The following CAND1 variants were observed in gnomAD, a reference collection of about 807,000 sequenced individuals.
The protein encoded by CAND1 is cullin associated and neddylation dissociated 1.
A neutral mutation model predicts 108.5 loss-of-function variants in CAND1; 7 were observed. That is an observed-to-expected ratio of 0.06 (90% CI 0.04 to 0.12). CAND1 has a LOEUF of 0.12. Ranked by LOEUF, CAND1 falls within the 10% of genes least tolerant of loss-of-function variation. The pLI is 1.00. For missense variants in CAND1, 941 were observed against 1,448.7 expected (o/e 0.65, Z 5.69); for synonymous variants, 534 against 512.0 (o/e 1.04, Z -0.58).
intron 7 of CAND1, among the ~76,000 whole-genome samples, chr12:67,299,468 T>A (rs2044802514): frequency 6.6e-6 from 1 of 152,084 alleles, no homozygotes; most frequent in Admixed American, 6.6e-5. Context: ...TGATTTTTGG[T>A]TTTAAGTACT....
Position 67,310,020 on chromosome 12 carries a change from C to T in CAND1, c.3145C>T (p.Leu1049Phe). The part of the protein sequence containing the change: ...SLIRDLLDTV[L>F]PHLYNETKVR... The stretch of plus-strand genomic sequence containing the variant: ...AATAAGGGATCTATTGGATACTGTT[C>T]TTCCACATCTTTACAATGAAACAAA... Residue 1049 changes from leucine (L) to phenylalanine (F), a missense_variant, in exon 12 of 15, where the codon CTT (leucine) becomes TTT (phenylalanine). Coordinates refer to ENST00000545606, the MANE Select transcript of CAND1 (RefSeq NM_018448.5). 6.2e-7 allele frequency: 1 copy of T among 1,612,164 alleles called. No individual in the cohort carries two copies. Among genetic ancestry groups the T allele is most frequent in the Non-Finnish European group, 8.5e-7 (1 of 1,178,552 alleles).
At chr12:67,279,171 C>T (rs531161539) in intron 1 of CAND1, among the ~76,000 whole-genome samples, 2 of 68,190 alleles carry the variant, frequency 2.9e-5, no homozygotes, top group African/African-American at 1.9e-4. Flanking sequence ...CCTTCCCCAC[C>T]ACCAAAAAAA....
chr12:67,286,030 C>T (rs1350680713), intron 2 of CAND1, among the ~76,000 whole-genome samples: 2 of 152,006 alleles, frequency 1.3e-5, no homozygotes, highest in Non-Finnish European at 2.9e-5. Context: ...TTTTTTGAGA[C>T]AGATTCTCGC....
In CAND1 at chr12:67,304,763, A is replaced by G. The variant is rs973905700; in HGVS notation, c.1435+17A>G. ...TTGTACCAGGTATGAAAGAAACATAAATCTCTTTTGGGACTTATTGTAGCC... is the reference window on the plus strand; with the variant it reads ...TTGTACCAGGTATGAAAGAAACATAGATCTCTTTTGGGACTTATTGTAGCC... On this transcript the variant is annotated intron_variant, in intron 9 of 14. Transcript: ENST00000545606. 2.5e-6 allele frequency: 4 copies of G among 1,610,790 alleles called. No homozygotes were observed. Among genetic ancestry groups the G allele is most frequent in the Admixed American group, 3.4e-5 (2 of 58,898 alleles).
chr12:67,281,308 CGACAGAGCAA>C (rs1565715756), intron 1 of CAND1, among the ~76,000 whole-genome samples: 1 of 151,216 alleles, frequency 6.6e-6, no homozygotes, highest in Non-Finnish European at 1.5e-5. Flanking sequence ...CCAGCCTGGG[CGACAGAGCAA>C]GACTCCCTCT....
At chr12:67,300,361 T>C (rs1326714792) in intron 7 of CAND1, among the ~76,000 whole-genome samples, 2 of 152,172 alleles carry the variant, frequency 1.3e-5, no homozygotes, top group African/African-American at 4.8e-5. Context: ...ACCCACATCC[T>C]ATCTTTAATC....
chr12:67,275,223 A>G (rs1049365934), intron 1 of CAND1, among the ~76,000 whole-genome samples: 1 of 152,062 alleles, frequency 6.6e-6, no homozygotes, highest in Non-Finnish European at 1.5e-5. Flanking sequence ...TACATGAACA[A>G]TATTAAGACT....
intron 6 of CAND1, 48 bp downstream of exon 6, chr12:67,297,901 G>A (rs2044785786): frequency 8.9e-7 from 1 of 1,127,828 alleles, no homozygotes; most frequent in African/African-American, 1.6e-5. Context: ...TTCCTTAAGA[G>A]TAGAATCATA....
chr12:67,319,715 G>A lies in CAND1; in HGVS notation c.*6885G>A, dbSNP rs1490443536. On this transcript the variant is annotated 3_prime_UTR_variant, in exon 15 of 15. Transcript: ENST00000545606. ...TACTGCCAACGTAGTTCCAGTTTCTGTATCTAAAGACTCAGCTTGGAGTCA... is the reference window on the plus strand; with the variant it reads ...TACTGCCAACGTAGTTCCAGTTTCTATATCTAAAGACTCAGCTTGGAGTCA... The A allele has an allele frequency of 4.6e-5, 7 of 152,120 alleles. 2 individuals carry two copies. The highest frequency in any genetic ancestry group is 3.9e-4 in the Admixed American group (6 of 15,262). The allele number at this position is 152,120 out of a possible 1,614,324, so 9.4% of individuals were successfully genotyped here. A position where few individuals can be genotyped will look rare whatever the true frequency, so the allele number is the denominator to read the frequency against.
rs902335058 is a variant in CAND1 at position 67,293,753 on chromosome 12, CA to C, written c.367+986del. Among the ~76,000 whole-genome samples, 23 of 148,912 alleles carry C rather than the reference CA, an allele frequency of 1.5e-4. 1 individual carries two copies. The highest frequency in any genetic ancestry group is 3.4e-3 in the Middle Eastern group (1 of 292). On this transcript the variant is annotated intron_variant, in intron 3 of 14. Transcript: ENST00000545606. ...AGGGAACAAGAGTGAAACTCCGTGTCAAAAAAAAATAAAAAAACAAAAAAAT... is the reference window on the plus strand; with the variant it reads ...AGGGAACAAGAGTGAAACTCCGTGTCAAAAAAAATAAAAAAACAAAAAAAT...
chr12:67,286,170 A>C (rs1020225391), intron 2 of CAND1, among the ~76,000 whole-genome samples: 1 of 151,770 alleles, frequency 6.6e-6, no homozygotes, highest in African/African-American at 2.4e-5. Context: ...ACCACGCCCA[A>C]CTAATTTTTT....
Position 67,274,946 on chromosome 12 carries a change from T to G in CAND1, c.68+5161T>G, listed in dbSNP as rs142928296. Among the ~76,000 whole-genome samples the G allele has an allele frequency of 5.4e-4, 82 of 152,258 alleles. 1 individual carries two copies. Among genetic ancestry groups the G allele is most frequent in the African/African-American group, 1.7e-3 (70 of 41,536 alleles). On this transcript the variant is annotated intron_variant, in intron 1 of 14. Coordinates refer to ENST00000545606, the MANE Select transcript of CAND1 (RefSeq NM_018448.5). The stretch of plus-strand genomic sequence containing the variant: ...AATAACATAACAGGAAATAGTGAAA[T>G]TATCTTAAGTACTTGTGCTTGGAGA...
intron 7 of CAND1, among the ~76,000 whole-genome samples, chr12:67,301,978 G>A (rs2044828860): frequency 1.3e-5 from 2 of 152,098 alleles, no homozygotes. Context: ...CAAAGGCTGG[G>A]AAATTTATGA....
chr12:67,281,671 T>C (rs548841371), intron 1 of CAND1, among the ~76,000 whole-genome samples: 5 of 152,160 alleles, frequency 3.3e-5, no homozygotes, highest in Non-Finnish European at 5.9e-5. Flanking sequence ...TAAAAGCATA[T>C]CAGTACTTAA....
At chr12:67,279,174 CAAAA>C (rs3970784) in intron 1 of CAND1, among the ~76,000 whole-genome samples, 2 of 140,054 alleles carry the variant, frequency 1.4e-5, no homozygotes, top group Non-Finnish European at 1.5e-5. Flanking sequence ...TCCCCACCAC[CAAAA>C]AAAAAAAAAA....
At chr12:67,304,556 G>A (rs2044859307) in intron 8 of CAND1, 49 bp from the exon 9 acceptor site, 2 of 1,589,616 alleles carry the variant, frequency 1.3e-6, no homozygotes, top group Non-Finnish European at 1.7e-6. Flanking sequence ...TAAGTGTACT[G>A]AGGAAATACC....
chr12:67,303,781 C>A (rs2044849520), intron 8 of CAND1, among the ~76,000 whole-genome samples: 1 of 151,936 alleles, frequency 6.6e-6, no homozygotes. Context: ...TTAATCATAC[C>A]CCTGCTGCTT....
At chr12:67,280,177 A>G (rs1433805820) in intron 1 of CAND1, among the ~76,000 whole-genome samples, 2 of 152,230 alleles carry the variant, frequency 1.3e-5, no homozygotes, top group Non-Finnish European at 2.9e-5. Context: ...TTTTAAAAAT[A>G]AGCAGTTTTA....
At position 67,297,617 on chromosome 12, in the gene CAND1, C is replaced by T. The variant is rs755976230; in HGVS notation, c.702C>T (p.Tyr234=). The part of the protein sequence containing the change: ...KNDSMSTTRT[Y]IQCIAAISRQ... ...ATTCTATGTCAACAACAAGAACCTA[C>T]ATACAATGTATTGCTGCTATTAGTA... is the stretch of plus-strand genomic sequence containing the variant. The change falls in exon 5 of 15, where the codon TAC becomes TAT. Residue 234 remains tyrosine (Y), a synonymous_variant. Transcript: ENST00000545606. The T allele has an allele frequency of 4.3e-6, 7 of 1,613,800 alleles. No individual in the cohort carries two copies. In the African/African-American group the frequency reaches 5.3e-5, roughly 12 times the overall value.
Sources: allele counts gnomAD v4.1 joint callset (sites outside exome capture counted in the v4.1 genomes callset), GRCh38; gene constraint gnomAD v4.1.1; transcripts MANE v1.5; gene names NCBI Gene and HGNC (gene_info 2026-07-23, HGNC 2026-07-21).